The following TRIM42 variants were observed in gnomAD, a reference collection of about 807,000 sequenced individuals.
The protein encoded by TRIM42 is tripartite motif containing 42, also known as tripartite motif-containing protein 42.
Under a neutral mutation model 64.9 loss-of-function variants are expected in TRIM42, and 59 were observed. The observed-to-expected ratio is 0.91, with a 90% CI of 0.74 to 1.13. The LOEUF (loss-of-function observed/expected upper bound fraction) is 1.13. Among genes scored for constraint, TRIM42 ranks in the 50% most tolerant of loss-of-function variants. The pLI is 0.00. For missense variants in TRIM42, 878 were observed against 929.5 expected (o/e 0.94, Z 0.72); for synonymous variants, 354 against 346.3 (o/e 1.02, Z -0.25).
chr3:140,698,866 C>G (rs1046029071), intron 4 of TRIM42, among the ~76,000 whole-genome samples: 2 of 152,058 alleles, frequency 1.3e-5, no homozygotes, highest in Non-Finnish European at 2.9e-5. Context: ...AATTCTATTT[C>G]TTTTTTCTTT....
intron 3 of TRIM42, among the ~76,000 whole-genome samples, chr3:140,688,844 C>A (rs560605974): frequency 6.6e-6 from 1 of 152,350 alleles, no homozygotes; most frequent in East Asian, 1.9e-4. Flanking sequence ...AATTTGGGAA[C>A]CAAAGTAATT....
At chr3:140,691,275 T>C in intron 4 of TRIM42, 83 bp downstream of exon 4, 2 of 1,166,706 alleles carry the variant, frequency 1.7e-6, no homozygotes, top group South Asian at 1.3e-5. Flanking sequence ...ATCGTGAGAT[T>C]ATAGAACTCA....
At chr3:140,693,461 A>T (rs1438255101) in intron 4 of TRIM42, among the ~76,000 whole-genome samples, 1 of 152,244 alleles carries the variant, frequency 6.6e-6, no homozygotes, top group Non-Finnish European at 1.5e-5. Context: ...TTGTGGTTAT[A>T]TTAGCATTCC....
chr3:140,692,365 G>A (rs181596194), intron 4 of TRIM42, among the ~76,000 whole-genome samples: 134 of 152,182 alleles, frequency 8.8e-4, no homozygotes, highest in Non-Finnish European at 1.5e-3. Context: ...AAAAGAATCC[G>A]AGTGGTTGCT....
At chr3:140,687,591 C>T (rs1477802392) in intron 2 of TRIM42, 131 bp from the exon 3 acceptor site, 5 of 671,124 alleles carry the variant, frequency 7.5e-6, no homozygotes, top group Non-Finnish European at 1.3e-5. Context: ...TGTTTCAGCC[C>T]AACTACAAGT....
Position 140,690,993 on chromosome 3 carries a change from A to T in TRIM42, c.1886A>T (p.Asp629Val), listed in dbSNP as rs1464747880. ...AKVYWTCPAEDVDSFEMEFYE... is the reference protein window; with the variant it reads ...AKVYWTCPAEVVDSFEMEFYE... ...GTTTACTGGACATGTCCAGCAGAAG[A>T]CGTGGACTCTTTTGAGATGGAATTC... The change falls in exon 4 of 5, where the codon GAC becomes GTC. Residue 629 changes from aspartate to valine, a missense_variant. Coordinates refer to ENST00000286349, the MANE Select transcript of TRIM42 (RefSeq NM_152616.5). The T allele has an allele frequency of 6.2e-7, 1 of 1,613,926 alleles. No homozygotes were observed. Among genetic ancestry groups the T allele is most frequent in the Admixed American group, 1.7e-5 (1 of 60,012 alleles).
chr3:140,682,098 GTC>G (rs1165747260), intron 1 of TRIM42, among the ~76,000 whole-genome samples: 1 of 152,166 alleles, frequency 6.6e-6, no homozygotes, highest in Non-Finnish European at 1.5e-5. Context: ...GACAACGCCA[GTC>G]TCTGCTGCTT....
Position 140,700,888 on chromosome 3 carries a change from GT to G in TRIM42, c.2087del (p.Val696GlyfsTer2). On this transcript the variant is annotated frameshift_variant and splice_region_variant, in exon 5 of 5. Transcript: ENST00000286349. LOFTEE classifies it high-confidence loss of function. Reference protein sequence around the residue: ...GPGQWSDICKVVTPDGHGKNR... With the variant: ...GPGQWSDICKXVTPDGHGKNR... Reference sequence around the variant, plus strand: ...CATGACTCTTCGCTTCTGATTGCAGGTGGTAACACCAGATGGACATGGGAAG... The same window carrying G: ...CATGACTCTTCGCTTCTGATTGCAGGGGTAACACCAGATGGACATGGGAAG... 2 of 1,614,040 alleles carry G rather than the reference GT, an allele frequency of 1.2e-6. No individual in the cohort carries two copies. The highest frequency in any genetic ancestry group is 1.7e-6 in the Non-Finnish European group (2 of 1,179,914).
chr3:140,685,641 T>C (rs1345329480), intron 2 of TRIM42, among the ~76,000 whole-genome samples: 1 of 152,202 alleles, frequency 6.6e-6, no homozygotes, highest in Admixed American at 6.5e-5. Flanking sequence ...TTCAGAATCT[T>C]AGCAGATGAG....
At position 140,678,194 on chromosome 3, in the gene TRIM42, G is replaced by A. The variant is rs1158113033; in HGVS notation, c.-36G>A. On this transcript the variant is annotated 5_prime_UTR_variant, in exon 1 of 5. Transcript: ENST00000286349. The stretch of plus-strand genomic sequence containing the variant: ...AGTATTCTGGTAGAGGAGGCATCAA[G>A]AGTCCTGGGAGGCCGGTGGTAATCA... 3.2e-6 allele frequency: 5 copies of A among 1,568,854 alleles called. No individual in the cohort carries two copies. The highest frequency in any genetic ancestry group is 1.7e-5 in the Admixed American group (1 of 59,312).
intron 3 of TRIM42, among the ~76,000 whole-genome samples, chr3:140,689,296 A>G (rs1005770455): frequency 2.0e-5 from 3 of 152,192 alleles, no homozygotes; most frequent in Non-Finnish European, 4.4e-5. Context: ...ATGCAACTAA[A>G]TATTCTATTA....
At chr3:140,679,304 T>C (rs962344028) in intron 1 of TRIM42, among the ~76,000 whole-genome samples, 1 of 152,182 alleles carries the variant, frequency 6.6e-6, no homozygotes, top group African/African-American at 2.4e-5. Flanking sequence ...CAATTATTCA[T>C]TTGGAGTGCT....
intron 1 of TRIM42, among the ~76,000 whole-genome samples, chr3:140,682,172 T>C (rs796881218): frequency 6.6e-6 from 1 of 152,206 alleles, no homozygotes; most frequent in African/African-American, 2.4e-5. Context: ...GGACTGCTCT[T>C]AGACTGTACA....
chr3:140,693,170 A>G (rs1988765910), intron 4 of TRIM42, among the ~76,000 whole-genome samples: 1 of 152,278 alleles, frequency 6.6e-6, no homozygotes, highest in African/African-American at 2.4e-5. Context: ...GAGTGAAGAA[A>G]TAAATTGATA....
In TRIM42 at chr3:140,682,700, T is replaced by C; in HGVS notation, c.580T>C (p.Ser194Pro). The C allele has an allele frequency of 6.2e-7, 1 of 1,612,268 alleles. No individual in the cohort carries two copies. Among genetic ancestry groups the C allele is most frequent in the African/African-American group, 1.3e-5 (1 of 74,836 alleles). Residue 194 changes from serine (S) to proline (P), a missense_variant, in exon 2 of 5, where the codon TCG becomes CCG. By Grantham distance (74) the Ser-to-Pro change is moderately conservative (BLOSUM62 -1). Coordinates refer to ENST00000286349, the MANE Select transcript of TRIM42 (RefSeq NM_152616.5). ...CCTCATCTGCCCAGTGTGCGACCGC[T>C]CGCACTGCATGCCCTACAGCAACAA... ...FILICPVCDRSHCMPYSNKMQ... is the reference protein window; with the variant it reads ...FILICPVCDRPHCMPYSNKMQ...
Position 140,682,681 on chromosome 3 carries a change from C to T in TRIM42, c.561C>T (p.Ile187=), listed in dbSNP as rs1229893182. The T allele has an allele frequency of 2.5e-6, 4 of 1,613,158 alleles. No homozygotes were observed. Among genetic ancestry groups the T allele is most frequent in the Non-Finnish European group, 3.4e-6 (4 of 1,180,022 alleles). Residue 187 remains isoleucine (I), a synonymous_variant, in exon 2 of 5, where the codon ATC becomes ATT. Transcript: ENST00000286349. ...AEVTENFFIL[I]CPVCDRSHCM... Reference sequence around the variant, plus strand: ...TCACCGAGAACTTCTTCATCCTCATCTGCCCAGTGTGCGACCGCTCGCACT... The same window carrying T: ...TCACCGAGAACTTCTTCATCCTCATTTGCCCAGTGTGCGACCGCTCGCACT...
At chr3:140,684,977 G>C (rs1424949011) in intron 2 of TRIM42, among the ~76,000 whole-genome samples, 1 of 152,176 alleles carries the variant, frequency 6.6e-6, no homozygotes, top group Non-Finnish European at 1.5e-5. Context: ...TCAATTCAAG[G>C]TGGGGGGAAA....
At chr3:140,687,579 C>T in intron 2 of TRIM42, 143 bp from the exon 3 acceptor site, 1 of 634,032 alleles carries the variant, frequency 1.6e-6, no homozygotes, top group South Asian at 2.0e-5. Context: ...CCTATTCCAG[C>T]CTGTTTCAGC....
intron 4 of TRIM42, among the ~76,000 whole-genome samples, chr3:140,694,184 A>C (rs145383042): frequency 2.1e-4 from 32 of 152,340 alleles, no homozygotes; most frequent in African/African-American, 7.5e-4. Context: ...AGCCAACAGC[A>C]GGGAGAGCTG....
Sources: gnomAD v4.1 joint callset for allele counts (sites outside exome capture counted in the v4.1 genomes callset) on GRCh38, gnomAD v4.1.1 for gene constraint, MANE v1.5 for transcripts, NCBI Gene and HGNC (gene_info 2026-07-23, HGNC 2026-07-21) for gene names.